Variants in TBL1X observed in about 807,000 individuals in gnomAD.
TBL1X encodes the protein F-box-like/WD repeat-containing protein TBL1X.
A neutral mutation model predicts 50.7 loss-of-function variants in TBL1X; 10 were observed. That is an observed-to-expected ratio of 0.20 (90% CI 0.12 to 0.33). The LOEUF (loss-of-function observed/expected upper bound fraction) is 0.33. Among genes scored for constraint, TBL1X ranks in the 10% least tolerant of loss-of-function variants. TBL1X has a pLI of 1.00. For missense variants in TBL1X, 340 were observed against 504.4 expected, an observed-to-expected ratio of 0.67 and a Z score of 3.12; for synonymous variants, 190 against 214.7, an observed-to-expected ratio of 0.88 and a Z score of 1.01.
chrX:9,704,950 T>C, intron 12 of TBL1X, 43 bp from the exon 13 acceptor site: 1 of 1,210,031 alleles, frequency 8.3e-7, no homozygotes. Context: ...CATGGAGCTG[T>C]GCAACAGTGA....
chrX:9,565,086 C>T lies in TBL1X; in HGVS notation c.-131+63237C>T, dbSNP rs919198588. On this transcript the variant is annotated intron_variant, in intron 2 of 17. Transcript: ENST00000645353. The stretch of plus-strand genomic sequence containing the variant: ...GAGATCGAGACCATCCTGGCTAACA[C>T]GGTGAAACCCCGTCTCTACTAAAAA... 1.0e-4 allele frequency among the ~76,000 whole-genome samples: 11 copies of T among 108,314 alleles called. 1 individual carries two copies. In the South Asian group the frequency reaches 2.0e-3, roughly 20 times the overall value. The allele number at this position is 108,314 out of a possible 115,157, so 94.1% of individuals were successfully genotyped here.
At chrX:9,625,582 T>C (rs2082688257) in intron 2 of TBL1X, among the ~76,000 whole-genome samples, 1 of 112,471 alleles carries the variant, frequency 8.9e-6, no homozygotes, top group Non-Finnish European at 1.9e-5. Context: ...GAAAGATGGC[T>C]TACACTGGGT....
chrX:9,526,810 C>T (rs1318566555), intron 2 of TBL1X, among the ~76,000 whole-genome samples: 2 of 112,212 alleles, frequency 1.8e-5, no homozygotes, highest in Non-Finnish European at 3.8e-5. Flanking sequence ...CTGTGCAGGT[C>T]CATGCTCAGA....
intron 5 of TBL1X, among the ~76,000 whole-genome samples, chrX:9,665,188 G>A (rs976892900): frequency 9.2e-6 from 1 of 108,256 alleles, no homozygotes; most frequent in South Asian, 4.1e-4. Flanking sequence ...AATTTTGCAG[G>A]TATTTTTTCC....
chrX:9,521,557 G>C (rs1479794799), intron 2 of TBL1X, among the ~76,000 whole-genome samples: 1 of 111,835 alleles, frequency 8.9e-6, no homozygotes, highest in Non-Finnish European at 1.9e-5. Flanking sequence ...GGTATCCTTG[G>C]GGGATTGGTT....
At chrX:9,564,889 G>T (rs1255038144) in intron 2 of TBL1X, among the ~76,000 whole-genome samples, 1 of 110,270 alleles carries the variant, frequency 9.1e-6, no homozygotes, top group African/African-American at 3.3e-5. Context: ...GTTGGAGAGT[G>T]TGGGAAGGAT....
chrX:9,705,365 G>T (rs2083200226), intron 13 of TBL1X, among the ~76,000 whole-genome samples: 1 of 111,766 alleles, frequency 8.9e-6, no homozygotes, highest in South Asian at 3.7e-4. Context: ...CTTTAAGGTA[G>T]CCATGAGAAA....
intron 4 of TBL1X, 30 bp downstream of exon 4, chrX:9,653,719 G>A (rs1283296774): frequency 2.6e-5 from 29 of 1,134,116 alleles, no homozygotes; most frequent in African/African-American, 1.1e-4. Flanking sequence ...GGCCAGGACC[G>A]TGTGGTCACT....
At chrX:9,660,205 C>T (rs1209288898) in intron 5 of TBL1X, among the ~76,000 whole-genome samples, 6 of 112,533 alleles carry the variant, frequency 5.3e-5, no homozygotes, top group Admixed American at 4.7e-4. Flanking sequence ...ATCGAAAACC[C>T]AGCGAAGTAT....
chrX:9,696,122 A>C (rs1209464977), intron 11 of TBL1X, among the ~76,000 whole-genome samples: 1 of 112,856 alleles, frequency 8.9e-6, no homozygotes, highest in Non-Finnish European at 1.9e-5. Context: ...TGTCCAATGT[A>C]CATTTAACAT....
At chrX:9,626,058 T>C (rs1240021761) in intron 2 of TBL1X, among the ~76,000 whole-genome samples, 1 of 111,830 alleles carries the variant, frequency 8.9e-6, no homozygotes, top group African/African-American at 3.3e-5. Flanking sequence ...TAGTAAAAGG[T>C]CTCCTTGTCT....
At chrX:9,509,013 A>AACC (rs2082040179) in intron 2 of TBL1X, among the ~76,000 whole-genome samples, 1 of 110,111 alleles carries the variant, frequency 9.1e-6, no homozygotes, top group Non-Finnish European at 1.9e-5. Context: ...TGCTGCAGCA[A>AACC]ACCACCATGA....
At chrX:9,541,144 G>T (rs1014527035) in intron 2 of TBL1X, among the ~76,000 whole-genome samples, 15 of 111,624 alleles carry the variant, frequency 1.3e-4, no homozygotes, top group Admixed American at 4.8e-4. Context: ...ATAATTAATT[G>T]TACTAATTTA....
intron 15 of TBL1X, among the ~76,000 whole-genome samples, chrX:9,710,593 G>A (rs934989892): frequency 8.0e-5 from 9 of 111,907 alleles, no homozygotes; most frequent in Non-Finnish European, 5.6e-5. Flanking sequence ...GGGGCATCCC[G>A]GTACCTAATG....
intron 2 of TBL1X, among the ~76,000 whole-genome samples, chrX:9,574,905 G>GT (rs1361122430): frequency 1.8e-5 from 2 of 112,047 alleles, no homozygotes; most frequent in African/African-American, 3.2e-5. Context: ...CTCCGAGGGT[G>GT]TTTTTTTGTG....
intron 2 of TBL1X, among the ~76,000 whole-genome samples, chrX:9,593,064 A>C (rs190898494): frequency 2.4e-3 from 266 of 111,800 alleles, no homozygotes; most frequent in African/African-American, 7.5e-3. Context: ...TGCTTATGAA[A>C]TAGCGGGTGT....
At chrX:9,651,319 A>G (rs2082834451) in intron 3 of TBL1X, among the ~76,000 whole-genome samples, 1 of 112,258 alleles carries the variant, frequency 8.9e-6, no homozygotes. Flanking sequence ...TGCTGGGATG[A>G]TAGGTGTGTG....
intron 1 of TBL1X, among the ~76,000 whole-genome samples, chrX:9,497,824 T>A (rs1387126849): frequency 1.2e-5 from 1 of 81,691 alleles, no homozygotes; most frequent in Non-Finnish European, 2.4e-5. Context: ...CTCTCGTTTC[T>A]TTCTTTTTTC....
Position 9,711,593 on chromosome X carries a change from T to C in TBL1X, c.1440-18T>C. 8.6e-7 allele frequency: 1 copy of C among 1,161,778 alleles called. No homozygotes were observed. The highest frequency in any genetic ancestry group is 1.8e-5 in the African/African-American group (1 of 56,369). On this transcript the variant is annotated intron_variant, in intron 15 of 17. Coordinates refer to ENST00000645353, the MANE Select transcript of TBL1X (RefSeq NM_005647.4). The stretch of plus-strand genomic sequence containing the variant: ...CCACCGTGTGTATGTGATTTTGCTT[T>C]CTCTCCCACCTTGCTAGTGCTTCGT...
Sources: allele counts gnomAD v4.1 joint callset (sites outside exome capture counted in the v4.1 genomes callset), GRCh38; gene constraint gnomAD v4.1.1; transcripts MANE v1.5; gene names NCBI Gene and HGNC (gene_info 2026-07-23, HGNC 2026-07-21).